The following CYP7B1 variants were observed in gnomAD, a reference collection of about 807,000 sequenced individuals.
The protein encoded by CYP7B1 is cytochrome P450 7B1.
A neutral mutation model predicts 42.7 loss-of-function variants in CYP7B1; 29 were observed. The ratio of observed to expected loss-of-function variants is 0.68; its 90% CI spans 0.51 to 0.93. The LOEUF (loss-of-function observed/expected upper bound fraction) is 0.93. Ranked by LOEUF, CYP7B1 falls within the 40% of genes least tolerant of loss-of-function variation. The pLI, the probability that CYP7B1 is intolerant of heterozygous loss-of-function variation, is 0.00. For synonymous variants in CYP7B1, 235 were observed against 218.2 expected, an observed-to-expected ratio of 1.08 and a Z score of -0.68; for missense variants, 655 against 600.5, an observed-to-expected ratio of 1.09 and a Z score of -0.95.
chr8:64,703,477 AAAG>A (rs1806948165), intron 1 of CYP7B1, among the ~76,000 whole-genome samples: 1 of 151,988 alleles, frequency 6.6e-6, no homozygotes. Context: ...ATACCATACA[AAAG>A]AAGCCAGGAA....
rs569703239 is a variant in CYP7B1, at chr8:64,714,716, G to A, written c.122+83750C>T. Among the ~76,000 whole-genome samples, 8 of 152,262 alleles carry A rather than the reference G, an allele frequency of 5.3e-5. No individual in the cohort carries two copies. The East Asian group carries it at 1.2e-3, about 22-fold the overall frequency. Reference sequence around the variant, plus strand: ...CATTTCTGGTTCTGTGTCATGTAACGTATGAAAACTGATGTCCCCATCATC... The same window carrying A: ...CATTTCTGGTTCTGTGTCATGTAACATATGAAAACTGATGTCCCCATCATC... On this transcript the variant is annotated intron_variant, in intron 1 of 5. Coordinates refer to ENST00000310193, the MANE Select transcript of CYP7B1 (RefSeq NM_004820.5).
chr8:64,603,543 G>T (rs1805232393), intron 5 of CYP7B1, among the ~76,000 whole-genome samples: 1 of 152,170 alleles, frequency 6.6e-6, no homozygotes, highest in Admixed American at 6.5e-5. Context: ...TTGGCTATTG[G>T]CTATTCATTT....
chr8:64,729,776 T>C (rs1807381465), intron 1 of CYP7B1, among the ~76,000 whole-genome samples: 1 of 152,222 alleles, frequency 6.6e-6, no homozygotes, highest in South Asian at 2.1e-4. Context: ...TAACATTTTG[T>C]CCTGTGTGCT....
In CYP7B1 at chr8:64,592,878, G is replaced by A. The variant is rs1237144921; in HGVS notation, c.*3764C>T. On this transcript the variant is annotated 3_prime_UTR_variant, in exon 6 of 6. Transcript: ENST00000310193. The stretch of plus-strand genomic sequence containing the variant: ...TGCATCTTTTAACTGATTTGTCCAG[G>A]ACATGTTTTTCTATTTGTAAATACT... 1.3e-5 allele frequency among the ~76,000 whole-genome samples: 2 copies of A among 152,148 alleles called. No individual in the cohort carries two copies. Among genetic ancestry groups the A allele is most frequent in the Admixed American group, 6.6e-5 (1 of 15,262 alleles).
intron 1 of CYP7B1, among the ~76,000 whole-genome samples, chr8:64,670,803 T>C (rs181653355): frequency 6.6e-6 from 1 of 152,144 alleles, no homozygotes; most frequent in African/African-American, 2.4e-5. Context: ...TGTAGATGCC[T>C]GACCCTCCTG....
chr8:64,758,990 A>C (rs948544381), intron 1 of CYP7B1, among the ~76,000 whole-genome samples: 1 of 152,196 alleles, frequency 6.6e-6, no homozygotes, highest in African/African-American at 2.4e-5. Context: ...TGACAAACTC[A>C]AAGTGATTGT....
intron 1 of CYP7B1, among the ~76,000 whole-genome samples, chr8:64,706,830 T>C (rs1235679301): frequency 1.3e-5 from 2 of 151,970 alleles, no homozygotes; most frequent in African/African-American, 4.8e-5. Context: ...ATAGTGACAT[T>C]TTATTGGCAC....
At chr8:64,756,473 A>G (rs1015890237) in intron 1 of CYP7B1, among the ~76,000 whole-genome samples, 1 of 152,256 alleles carries the variant, frequency 6.6e-6, no homozygotes, top group Non-Finnish European at 1.5e-5. Flanking sequence ...CGGAATTTCT[A>G]GGTGCCAGGA....
chr8:64,587,738 C>T (rs1351000156), downstream of CYP7B1: 3 of 152,186 alleles, frequency 2.0e-5, no homozygotes, highest in African/African-American at 4.8e-5. Flanking sequence ...TGTGAATTTT[C>T]CTTCTTTCTC....
intron 1 of CYP7B1, among the ~76,000 whole-genome samples, chr8:64,679,001 T>C (rs1036856395): frequency 1.3e-5 from 2 of 152,074 alleles, no homozygotes; most frequent in Non-Finnish European, 2.9e-5. Context: ...TTTGATTGCA[T>C]ATATATTGCA....
chr8:64,620,347 C>T (rs1247074547), intron 2 of CYP7B1, among the ~76,000 whole-genome samples: 1 of 152,036 alleles, frequency 6.6e-6, no homozygotes, highest in African/African-American at 2.4e-5. Context: ...TGAGGATGGC[C>T]ACATGTACAT....
At chr8:64,691,488 G>C (rs981138174) in intron 1 of CYP7B1, among the ~76,000 whole-genome samples, 2 of 148,534 alleles carry the variant, frequency 1.3e-5, no homozygotes, top group Admixed American at 6.7e-5. Context: ...CAACTGGGGG[G>C]GGGGGGTGGT....
chr8:64,665,613 G>C (rs1806266214), intron 1 of CYP7B1, among the ~76,000 whole-genome samples: 1 of 98,172 alleles, frequency 1.0e-5, no homozygotes, highest in Non-Finnish European at 1.9e-5. Flanking sequence ...TTTCACTCTT[G>C]TTGCCCAGGC....
intron 1 of CYP7B1, among the ~76,000 whole-genome samples, chr8:64,724,720 T>A (rs1415648851): frequency 6.6e-6 from 1 of 152,064 alleles, no homozygotes; most frequent in African/African-American, 2.4e-5. Flanking sequence ...GTGTGCTGAG[T>A]ACTTTGAACT....
chr8:64,597,939 A>T (rs1362791643), intron 5 of CYP7B1, among the ~76,000 whole-genome samples: 5 of 152,228 alleles, frequency 3.3e-5, no homozygotes, highest in Non-Finnish European at 7.3e-5. Context: ...AAAGCATTTC[A>T]GGTTAAGGTG....
intron 2 of CYP7B1, among the ~76,000 whole-genome samples, chr8:64,616,728 C>T (rs935692876): frequency 1.2e-4 from 18 of 152,144 alleles, no homozygotes; most frequent in African/African-American, 4.3e-4. Flanking sequence ...GAGTTTTGTT[C>T]AAATACAACA....
intron 1 of CYP7B1, among the ~76,000 whole-genome samples, chr8:64,647,345 A>T (rs1805969592): frequency 6.6e-6 from 1 of 152,234 alleles, no homozygotes; most frequent in Non-Finnish European, 1.5e-5. Context: ...AGAATTATCA[A>T]AATGTGACAC....
chr8:64,651,274 C>A (rs1220490383), intron 1 of CYP7B1, among the ~76,000 whole-genome samples: 1 of 152,200 alleles, frequency 6.6e-6, no homozygotes, highest in Non-Finnish European at 1.5e-5. Context: ...CACTGCAGAA[C>A]TGCATGATAC....
chr8:64,673,497 T>C (rs1806397487), intron 1 of CYP7B1, among the ~76,000 whole-genome samples: 1 of 152,154 alleles, frequency 6.6e-6, no homozygotes, highest in African/African-American at 2.4e-5. Context: ...GCATTAACAC[T>C]ATAGCCATGT....
Sources: gnomAD v4.1 joint callset for allele counts (sites outside exome capture counted in the v4.1 genomes callset) on GRCh38, gnomAD v4.1.1 for gene constraint, MANE v1.5 for transcripts, NCBI Gene and HGNC (gene_info 2026-07-23, HGNC 2026-07-21) for gene names.